The following EIF4G3 variants were observed in gnomAD, a reference collection of about 807,000 sequenced individuals.
The protein encoded by EIF4G3 is eukaryotic translation initiation factor 4 gamma 3.
Under a neutral mutation model 186.4 loss-of-function variants are expected in EIF4G3, and 34 were observed. That is an observed-to-expected ratio of 0.18 (90% confidence interval 0.14 to 0.24). EIF4G3 has a LOEUF of 0.24. Ranked by LOEUF, EIF4G3 falls within the 10% of genes least tolerant of loss-of-function variation. EIF4G3 has a pLI of 1.00. For synonymous variants in EIF4G3, 673 were observed against 679.5 expected (o/e 0.99, Z 0.15); for missense variants, 1,536 against 1,948.5 (o/e 0.79, Z 3.99).
chr1:21,135,033 CTAT>C (rs1163547483), intron 2 of EIF4G3, among the ~76,000 whole-genome samples: 1 of 152,134 alleles, frequency 6.6e-6, no homozygotes, highest in Non-Finnish European at 1.5e-5. Context: ...CATCATGTTA[CTAT>C]TATAGATTCT....
At chr1:20,970,262 C>T (rs908488038) in intron 11 of EIF4G3, among the ~76,000 whole-genome samples, 5 of 152,318 alleles carry the variant, frequency 3.3e-5, no homozygotes, top group Middle Eastern at 3.4e-3. Flanking sequence ...TGACTGCAAT[C>T]ATGCCTTTTC....
chr1:21,071,805 C>CA (rs545364139), intron 3 of EIF4G3, among the ~76,000 whole-genome samples: 6,540 of 91,070 alleles, frequency 0.072, 276 homozygotes, highest in East Asian at 0.22. Flanking sequence ...GGCTCCGTCT[C>CA]AAAAAAAAAA....
At chr1:20,881,151 T>C (rs995277973) in intron 19 of EIF4G3, among the ~76,000 whole-genome samples, 2 of 152,186 alleles carry the variant, frequency 1.3e-5, no homozygotes, top group African/African-American at 4.8e-5. Flanking sequence ...AAGAAGAATG[T>C]AGAGTCTAGA....
At chr1:21,146,865 A>G (rs1421729885) in intron 2 of EIF4G3, among the ~76,000 whole-genome samples, 7 of 152,218 alleles carry the variant, frequency 4.6e-5, no homozygotes. Flanking sequence ...TTCACACAAG[A>G]AAGTCTATAA....
intron 20 of EIF4G3, among the ~76,000 whole-genome samples, chr1:20,876,767 G>A (rs529510802): frequency 5.9e-5 from 9 of 152,222 alleles, no homozygotes; most frequent in African/African-American, 2.2e-4. Flanking sequence ...AGGCCAAGGC[G>A]GGAAGAGCAC....
intron 3 of EIF4G3, among the ~76,000 whole-genome samples, chr1:21,079,255 G>C (rs920075118): frequency 6.6e-6 from 1 of 152,134 alleles, no homozygotes; most frequent in African/African-American, 2.4e-5. Flanking sequence ...CTACTCAATA[G>C]TGACCTGGCA....
In EIF4G3 at chr1:20,981,130, T is replaced by G; in HGVS notation, c.296A>C (p.Gln99Pro). The part of the protein sequence containing the change: ...PGAQTPTAVY[Q>P]ANQHIMMVNH... Reference sequence around the variant, plus strand: ...AACCATCATGATGTGCTGATTAGCCTGGTACACTGCAGTGGGTGTCTGTGC... The same window carrying G: ...AACCATCATGATGTGCTGATTAGCCGGGTACACTGCAGTGGGTGTCTGTGC... The change falls in exon 9 of 37, where the codon CAG (glutamine) becomes CCG (proline). Residue 99 changes from glutamine (Q) to proline (P), a missense_variant. Coordinates refer to ENST00000602326, the MANE Select transcript of EIF4G3 (RefSeq NM_001391906.1). The G allele has an allele frequency of 6.2e-7, 1 of 1,613,712 alleles. No homozygotes were observed. The highest frequency in any genetic ancestry group is 8.5e-7 in the Non-Finnish European group (1 of 1,179,862).
chr1:20,909,654 GTTTGTT>G (rs919745798), intron 14 of EIF4G3, among the ~76,000 whole-genome samples: 1 of 150,522 alleles, frequency 6.6e-6, no homozygotes, highest in African/African-American at 2.4e-5. Context: ...TTTTTTGTTT[GTTTGTT>G]TTTGTTTTTT....
Position 20,980,353 on chromosome 1 carries a change from C to T in EIF4G3, c.474G>A (p.Gly158=), listed in dbSNP as rs1051946926. Residue 158 remains glycine (G), a synonymous_variant, in exon 10 of 37, where the codon GGG becomes GGA. Transcript: ENST00000602326. ...PGPFYPGPGP[G]DFPNAYGTPF... The stretch of plus-strand genomic sequence containing the variant: ...ACTTACCATAAGCATTGGGGAAGTC[C>T]CCAGGTCCTGGTCCAGGATAAAAAG... The T allele has an allele frequency of 6.5e-7, 1 of 1,550,340 alleles. No homozygotes were observed. The highest frequency in any genetic ancestry group is 1.4e-5 in the African/African-American group (1 of 69,752).
intron 3 of EIF4G3, among the ~76,000 whole-genome samples, chr1:21,071,664 G>C (rs551187533): frequency 1.3e-3 from 203 of 152,164 alleles, no homozygotes; most frequent in Admixed American, 5.8e-3. Context: ...AAATTAGCCA[G>C]GCATGGTGGT....
chr1:21,075,175 A>T (rs2095548606), intron 3 of EIF4G3, among the ~76,000 whole-genome samples: 1 of 152,176 alleles, frequency 6.6e-6, no homozygotes, highest in African/African-American at 2.4e-5. Flanking sequence ...AATAATAACC[A>T]TGAATGTAAA....
chr1:21,048,772 C>G (rs1302119293), intron 4 of EIF4G3, among the ~76,000 whole-genome samples: 1 of 152,174 alleles, frequency 6.6e-6, no homozygotes, highest in Non-Finnish European at 1.5e-5. Flanking sequence ...CACTCCCATT[C>G]AGAAAGCCAC....
intron 2 of EIF4G3, among the ~76,000 whole-genome samples, chr1:21,114,709 CTT>C (rs1017878939): frequency 2.0e-5 from 3 of 149,680 alleles, no homozygotes; most frequent in African/African-American, 7.3e-5. Context: ...AAGGCCAACA[CTT>C]AATAAAAAAA....
intron 14 of EIF4G3, among the ~76,000 whole-genome samples, chr1:20,926,600 A>T (rs2094907726): frequency 6.6e-6 from 1 of 151,968 alleles, no homozygotes; most frequent in Non-Finnish European, 1.5e-5. Flanking sequence ...CCAGGAGGTC[A>T]ACTCTGCAGT....
At chr1:21,077,971 G>C (rs1241073111) in intron 3 of EIF4G3, among the ~76,000 whole-genome samples, 1 of 151,224 alleles carries the variant, frequency 6.6e-6, no homozygotes, top group African/African-American at 2.4e-5. Flanking sequence ...AAGTTAGTAA[G>C]GCCACTAAGG....
At chr1:20,940,425 A>T (rs1237608077) in intron 14 of EIF4G3, among the ~76,000 whole-genome samples, 1 of 152,192 alleles carries the variant, frequency 6.6e-6, no homozygotes, top group African/African-American at 2.4e-5. Flanking sequence ...ACAGACACTG[A>T]TGAGGAAATT....
intron 10 of EIF4G3, among the ~76,000 whole-genome samples, chr1:20,975,262 A>T (rs2076626432): frequency 6.6e-6 from 1 of 152,178 alleles, no homozygotes. Context: ...TTAACTCAGA[A>T]AACAAATCCC....
At chr1:21,038,705 T>A (rs2093383497) in intron 4 of EIF4G3, among the ~76,000 whole-genome samples, 1 of 152,204 alleles carries the variant, frequency 6.6e-6, no homozygotes. Flanking sequence ...AAATTAGATT[T>A]TTAAGTACCT....
In EIF4G3 at chr1:21,088,460, C is replaced by A. The variant is rs114121530; in HGVS notation, c.-196+678G>T. Among the ~76,000 whole-genome samples, 190 of 151,942 alleles carry A rather than the reference C, an allele frequency of 1.3e-3. 1 individual carries two copies. Among genetic ancestry groups the A allele is most frequent in the African/African-American group, 4.4e-3 (183 of 41,416 alleles). ...AGTGTTCACTCTTCTAAACTTTCAG[C>A]ATTTTGAAAATATGTAATCAAGGAG... On this transcript the variant is annotated intron_variant, in intron 3 of 36. Transcript: ENST00000602326.
Sources: allele counts gnomAD v4.1 joint callset (sites outside exome capture counted in the v4.1 genomes callset), GRCh38; gene constraint gnomAD v4.1.1; transcripts MANE v1.5; gene names NCBI Gene and HGNC (gene_info 2026-07-23, HGNC 2026-07-21).